The following ERC1 variants were observed in gnomAD, a reference collection of about 807,000 sequenced individuals.
The protein encoded by ERC1 is RAB6 interacting protein 2.
A neutral mutation model predicts 132.0 loss-of-function variants in ERC1; 56 were observed. The observed-to-expected ratio is 0.42, with a 90% CI of 0.34 to 0.53. The LOEUF (loss-of-function observed/expected upper bound fraction) is 0.53, where lower values mean the gene tolerates loss of function less well. Ranked by LOEUF, ERC1 falls within the 20% of genes least tolerant of loss-of-function variation. The pLI, the probability that ERC1 is intolerant of heterozygous loss-of-function variation, is 0.03. For missense variants in ERC1, 1,202 were observed against 1,349.9 expected (o/e 0.89, Z 1.72); for synonymous variants, 478 against 476.1 (o/e 1.00, Z -0.05).
intron 13 of ERC1, among the ~76,000 whole-genome samples, chr12:1,247,525 T>C (rs1435616888): frequency 1.3e-5 from 2 of 152,220 alleles, no homozygotes; most frequent in Admixed American, 1.3e-4. Context: ...TCAGCACTTT[T>C]AATCACCCAG....
Position 1,158,607 on chromosome 12 carries a change from C to CT in ERC1, c.1737+16837dup, listed in dbSNP as rs10713768. On this transcript the variant is annotated intron_variant, in intron 8 of 18. Transcript: ENST00000360905. The stretch of plus-strand genomic sequence containing the variant: ...ACCATGCCCAGCTAATTTTTCTTTT[C>CT]TTTTTTTTTTTTTTTTTATAGTTTT... Among the ~76,000 whole-genome samples the CT allele has an allele frequency of 5.6e-3, 758 of 134,426 alleles. 10 individuals carry two copies. Among genetic ancestry groups the CT allele is most frequent in the South Asian group, 0.037 (152 of 4,136 alleles). 88.2% of individuals were successfully genotyped at this position (134,426 alleles called of 152,430 possible).
chr12:1,115,693 G>T, intron 6 of ERC1, 173 bp from the exon 7 acceptor site: 1 of 448,662 alleles, frequency 2.2e-6, no homozygotes. Context: ...GGTTTTTTTT[G>T]GCTCAGGGTT....
chr12:1,287,313 A>G (rs529352469), intron 14 of ERC1, among the ~76,000 whole-genome samples: 1 of 152,254 alleles, frequency 6.6e-6, no homozygotes, highest in Non-Finnish European at 1.5e-5. Context: ...AAGTTTATCA[A>G]TCAGATATTG....
rs77102715 is a variant in ERC1, at chr12:1,379,214, C to A, written c.2925+7237C>A. Among the ~76,000 whole-genome samples, 869 of 152,254 alleles carry A rather than the reference C, an allele frequency of 5.7e-3. 12 individuals are homozygous for A. Among genetic ancestry groups the A allele is most frequent in the African/African-American group, 0.02 (841 of 41,552 alleles). On this transcript the variant is annotated intron_variant, in intron 16 of 18. Coordinates refer to ENST00000360905, the MANE Select transcript of ERC1 (RefSeq NM_178040.4). ...CATAAGCAGCAAGAAGAAACCAGGCCCCCACCTTCAGCACTTTAACTGGAA... is the reference window on the plus strand; with the variant it reads ...CATAAGCAGCAAGAAGAAACCAGGCACCCACCTTCAGCACTTTAACTGGAA...
In ERC1 at chr12:1,342,964, TAATGA is replaced by T. The variant is rs2084065027; in HGVS notation, c.2781-28865_2781-28861del. On this transcript the variant is annotated intron_variant, in intron 15 of 18. Transcript: ENST00000360905. ...ACTCTCAAAATTTATTAAACACACTTAATGAAATAAATACCAGTATCTATGTTATC... is the reference window on the plus strand; with the variant it reads ...ACTCTCAAAATTTATTAAACACACTTAATAAATACCAGTATCTATGTTATC... Among the ~76,000 whole-genome samples the T allele has an allele frequency of 2.6e-5, 4 of 152,294 alleles. No individual in the cohort carries two copies. The South Asian group carries it at 8.3e-4, about 32-fold the overall frequency.
Position 1,493,857 on chromosome 12 carries a change from C to T in ERC1, c.*3627C>T, listed in dbSNP as rs1042653085. 33 of 227,802 alleles carry T rather than the reference C, an allele frequency of 1.4e-4. No homozygotes were observed. Among genetic ancestry groups the T allele is most frequent in the Non-Finnish European group, 2.5e-4 (29 of 114,798 alleles). 14.1% of individuals were successfully genotyped at this position (227,802 alleles called of 1,614,324 possible). Reference sequence around the variant, plus strand: ...GAGGAAGGCGAAGTCATCACAGACACGGTCTTAGCCACCTGCTGAACTAAT... The same window carrying T: ...GAGGAAGGCGAAGTCATCACAGACATGGTCTTAGCCACCTGCTGAACTAAT... On this transcript the variant is annotated 3_prime_UTR_variant, in exon 19 of 19. Coordinates refer to ENST00000360905, the MANE Select transcript of ERC1 (RefSeq NM_178040.4).
At chr12:1,336,752 G>A (rs1307726581) in intron 15 of ERC1, among the ~76,000 whole-genome samples, 2 of 151,828 alleles carry the variant, frequency 1.3e-5, no homozygotes, top group Non-Finnish European at 2.9e-5. Context: ...GTAGATTCCT[G>A]TCAAGTCCCT....
chr12:1,467,938 T>C (rs2093777970), intron 18 of ERC1, among the ~76,000 whole-genome samples: 1 of 152,218 alleles, frequency 6.6e-6, no homozygotes, highest in African/African-American at 2.4e-5. Context: ...CAGGCAGTAA[T>C]GCACGCAATG....
chr12:1,023,768 G>GA (rs1273116396), intron 1 of ERC1, among the ~76,000 whole-genome samples: 2 of 152,140 alleles, frequency 1.3e-5, no homozygotes, highest in Non-Finnish European at 2.9e-5. Flanking sequence ...ATGATATAAA[G>GA]AAACCAAGAG....
At chr12:1,334,411 A>G (rs914287717) in intron 15 of ERC1, among the ~76,000 whole-genome samples, 4 of 152,168 alleles carry the variant, frequency 2.6e-5, no homozygotes, top group Admixed American at 2.6e-4. Context: ...ATTTTTGTAT[A>G]GGGTGTAAGG....
intron 17 of ERC1, among the ~76,000 whole-genome samples, chr12:1,408,784 A>C (rs1049869177): frequency 1.9e-4 from 29 of 152,358 alleles, no homozygotes; most frequent in Non-Finnish European, 4.0e-4. Flanking sequence ...TGTTGCCTTC[A>C]ACTTCTCATC....
At chr12:1,166,217 G>T (rs73041055) in intron 8 of ERC1, among the ~76,000 whole-genome samples, 1 of 152,194 alleles carries the variant, frequency 6.6e-6, no homozygotes, top group African/African-American at 2.4e-5. Flanking sequence ...GGAGGCAATT[G>T]CATCATGGGA....
rs984316282 is a variant in ERC1, at chr12:1,492,554, G to T, written c.*2324G>T. 1 of 233,274 alleles carries T rather than the reference G, an allele frequency of 4.3e-6. No individual in the cohort carries two copies. Among genetic ancestry groups the T allele is most frequent in the Non-Finnish European group, 8.5e-6 (1 of 118,062 alleles). The allele number at this position is 233,274 out of a possible 1,614,324, so 14.5% of individuals were successfully genotyped here. A position where few individuals can be genotyped will look rare whatever the true frequency, so the allele number is the denominator to read the frequency against. On this transcript the variant is annotated 3_prime_UTR_variant, in exon 19 of 19. Coordinates refer to ENST00000360905, the MANE Select transcript of ERC1 (RefSeq NM_178040.4). ...CCTGCCACTCTCAGCCACTGGGTGTGTCACTCTCCTCTTCATCTCAGCATT... is the reference window on the plus strand; with the variant it reads ...CCTGCCACTCTCAGCCACTGGGTGTTTCACTCTCCTCTTCATCTCAGCATT...
chr12:1,455,271 C>T (rs1431432459), intron 18 of ERC1, among the ~76,000 whole-genome samples: 1 of 152,158 alleles, frequency 6.6e-6, no homozygotes, highest in African/African-American at 2.4e-5. Flanking sequence ...AACAGATTAA[C>T]ATTAACTGTA....
intron 8 of ERC1, among the ~76,000 whole-genome samples, chr12:1,157,791 C>G (rs1951539997): frequency 6.6e-6 from 1 of 152,006 alleles, no homozygotes; most frequent in Non-Finnish European, 1.5e-5. Context: ...TGATGAGTTA[C>G]AAAAAATGAA....
At position 1,103,530 on chromosome 12, in the gene ERC1, T is replaced by G. The variant is rs114373233; in HGVS notation, c.1087-1220T>G. Among the ~76,000 whole-genome samples the G allele has an allele frequency of 3.7e-3, 559 of 152,296 alleles. 3 individuals are homozygous for G. The highest frequency in any genetic ancestry group is 0.013 in the African/African-American group (535 of 41,578). On this transcript the variant is annotated intron_variant, in intron 3 of 18. Coordinates refer to ENST00000360905, the MANE Select transcript of ERC1 (RefSeq NM_178040.4). ...ATGGATTAAAAGGTATATTTTTGTT[T>G]AGTGGTTCATTCCAGGTGGTGGCCG...
chr12:1,275,759 T>A (rs2078219831), intron 14 of ERC1, among the ~76,000 whole-genome samples: 1 of 152,146 alleles, frequency 6.6e-6, no homozygotes, highest in Non-Finnish European at 1.5e-5. Flanking sequence ...GGGTAATTTA[T>A]AAAGAAAAGG....
At chr12:1,452,654 T>C (rs2093449772) in intron 18 of ERC1, among the ~76,000 whole-genome samples, 1 of 152,208 alleles carries the variant, frequency 6.6e-6, no homozygotes, top group Non-Finnish European at 1.5e-5. Flanking sequence ...ATACTTGAAG[T>C]TTTCTGTTAT....
intron 2 of ERC1, among the ~76,000 whole-genome samples, chr12:1,075,144 AT>A (rs1317177641): frequency 6.6e-6 from 1 of 152,144 alleles, no homozygotes; most frequent in Non-Finnish European, 1.5e-5. Context: ...GTTCAGACTC[AT>A]TAAATTAGTT....
Sources: gnomAD v4.1 joint callset for allele counts (sites outside exome capture counted in the v4.1 genomes callset) on GRCh38, gnomAD v4.1.1 for gene constraint, MANE v1.5 for transcripts, NCBI Gene and HGNC (gene_info 2026-07-23, HGNC 2026-07-21) for gene names.